Variants in C6 observed in about 807,000 individuals in gnomAD.
C6 encodes the protein complement C6, also known as complement component C6.
Under a neutral mutation model 112.9 loss-of-function variants are expected in C6, and 101 were observed. The ratio of observed to expected loss-of-function variants is 0.89; its 90% CI spans 0.76 to 1.06. The LOEUF (loss-of-function observed/expected upper bound fraction) is 1.06, where lower values mean the gene tolerates loss of function less well. Among genes scored for constraint, C6 ranks in the 50% least tolerant of loss-of-function variants. The probability of loss-of-function intolerance (pLI) is 0.00; values close to 1 mark genes in which losing one functional copy is unlikely to be tolerated. For synonymous variants in C6, 431 were observed against 384.1 expected (o/e 1.12, Z -1.43); for missense variants, 1,202 against 1,104.6 (o/e 1.09, Z -1.25).
intron 9 of C6, among the ~76,000 whole-genome samples, chr5:41,162,925 A>G (rs1747655908): frequency 2.0e-5 from 3 of 152,192 alleles, no homozygotes; most frequent in African/African-American, 7.2e-5. Context: ...GAGTTTGCCA[A>G]TATATCATGT....
At chr5:41,195,352 C>T (rs1750528444) in intron 5 of C6, among the ~76,000 whole-genome samples, 1 of 152,116 alleles carries the variant, frequency 6.6e-6, no homozygotes, top group Non-Finnish European at 1.5e-5. Flanking sequence ...TTTTGGCTTT[C>T]AACCCACCCA....
intron 3 of C6, among the ~76,000 whole-genome samples, chr5:41,200,493 A>T (rs1371975654): frequency 6.6e-6 from 1 of 152,192 alleles, no homozygotes. Context: ...ATTCTTGGGC[A>T]AATTACTTAA....
intron 1 of C6, among the ~76,000 whole-genome samples, chr5:41,232,137 T>G (rs887851015): frequency 1.3e-5 from 2 of 152,178 alleles, no homozygotes; most frequent in Non-Finnish European, 2.9e-5. Flanking sequence ...CTTTGTTATA[T>G]ATTGCTTTCT....
chr5:41,246,262 T>G (rs1741015177), intron 1 of C6, among the ~76,000 whole-genome samples: 1 of 152,156 alleles, frequency 6.6e-6, no homozygotes, highest in South Asian at 2.1e-4. Flanking sequence ...AGATCTCTGT[T>G]TCTAGGCCAT....
intron 12 of C6, 43 bp downstream of exon 12, chr5:41,159,039 G>T: frequency 6.2e-7 from 1 of 1,604,190 alleles, no homozygotes; most frequent in Non-Finnish European, 8.5e-7. Flanking sequence ...GTTATTGAGA[G>T]TTAGGGCAAA....
At chr5:41,149,613 T>C (rs1438310609) in intron 16 of C6, 131 bp from the exon 17 acceptor site, 1 of 1,126,116 alleles carries the variant, frequency 8.9e-7, no homozygotes, top group Admixed American at 1.8e-5. Flanking sequence ...CTCCAAGCCC[T>C]GGGCTTGAGT....
intron 1 of C6, among the ~76,000 whole-genome samples, chr5:41,247,730 A>C (rs1734577210): frequency 6.6e-6 from 1 of 151,874 alleles, no homozygotes; most frequent in African/African-American, 2.4e-5. Flanking sequence ...AAAAAAAAAA[A>C]AAAAAGCAAT....
intron 1 of C6, among the ~76,000 whole-genome samples, chr5:41,248,898 G>A (rs1741176258): frequency 6.6e-6 from 1 of 152,004 alleles, no homozygotes; most frequent in Non-Finnish European, 1.5e-5. Context: ...GTTCACAATA[G>A]CAAAGATATG....
chr5:41,230,737 G>A (rs1022609894), intron 1 of C6, among the ~76,000 whole-genome samples: 2 of 152,104 alleles, frequency 1.3e-5, no homozygotes, highest in Non-Finnish European at 1.5e-5. Flanking sequence ...AAAACGTGCT[G>A]GTTTTGCAGC....
chr5:41,159,483 A>C, intron 11 of C6: 2 of 985,112 alleles, frequency 2.0e-6, no homozygotes, highest in Non-Finnish European at 2.4e-6. Flanking sequence ...AACAAATGGC[A>C]ATCATTATGA....
At chr5:41,256,923 T>C (rs945384347) in intron 1 of C6, among the ~76,000 whole-genome samples, 1 of 152,188 alleles carries the variant, frequency 6.6e-6, no homozygotes, top group African/African-American at 2.4e-5. Flanking sequence ...GTGTGTTTTG[T>C]TTTCTGAATG....
At chr5:41,143,502 A>T (rs965387819) in intron 17 of C6, among the ~76,000 whole-genome samples, 1 of 152,136 alleles carries the variant, frequency 6.6e-6, no homozygotes, top group South Asian at 2.1e-4. Context: ...ATTCATCGTT[A>T]TCATTTGTAG....
At position 41,203,257 on chromosome 5, in the gene C6, T is replaced by C; in HGVS notation, c.-20-7A>G. On this transcript the variant is annotated splice_region_variant and splice_polypyrimidine_tract_variant and intron_variant, in intron 1 of 17. Coordinates refer to ENST00000337836, the MANE Select transcript of C6 (RefSeq NM_000065.5). The stretch of plus-strand genomic sequence containing the variant: ...CCTTGAGAGCCTCCAGGCCCTAAAA[T>C]GAAAGAATACATAACACATATCAAA... 2.5e-6 allele frequency: 4 copies of C among 1,613,822 alleles called. No homozygotes were observed. The highest frequency in any genetic ancestry group is 3.4e-6 in the Non-Finnish European group (4 of 1,179,774).
chr5:41,173,940 T>C (rs1022379378), intron 8 of C6, among the ~76,000 whole-genome samples: 1 of 152,222 alleles, frequency 6.6e-6, no homozygotes, highest in Non-Finnish European at 1.5e-5. Flanking sequence ...ATTGTTTTTA[T>C]AAGTGGGTTA....
chr5:41,194,205 G>T (rs1243776296), intron 5 of C6, among the ~76,000 whole-genome samples: 1 of 152,148 alleles, frequency 6.6e-6, no homozygotes, highest in Non-Finnish European at 1.5e-5. Flanking sequence ...AACCATTTCT[G>T]CACATGGATA....
chr5:41,256,951 T>A (rs897187093), intron 1 of C6, among the ~76,000 whole-genome samples: 1 of 152,182 alleles, frequency 6.6e-6, no homozygotes, highest in African/African-American at 2.4e-5. Context: ...CTTTCTGCAG[T>A]TTGGATGAGG....
In C6 at chr5:41,172,356, T is replaced by C. The variant is rs1253848625; in HGVS notation, c.1169-9A>G. 4 of 1,613,170 alleles carry C rather than the reference T, an allele frequency of 2.5e-6. No individual in the cohort carries two copies. The highest frequency in any genetic ancestry group is 3.4e-6 in the Non-Finnish European group (4 of 1,179,520). On this transcript the variant is annotated splice_polypyrimidine_tract_variant and intron_variant, in intron 8 of 17. Transcript: ENST00000337836. ...TTCTTCCTCGGTTAAACCTAGGAGA[T>C]GAAGTACAAACAGAAACCACTGAGA... is the stretch of plus-strand genomic sequence containing the variant.
intron 11 of C6, 39 bp downstream of exon 11, chr5:41,160,103 G>A (rs761156646): frequency 7.2e-6 from 11 of 1,525,008 alleles, no homozygotes; most frequent in Admixed American, 3.3e-5. Context: ...CTTTGGAGGG[G>A]AAAACTTATC....
intron 1 of C6, among the ~76,000 whole-genome samples, chr5:41,248,883 G>A (rs1244666489): frequency 1.3e-5 from 2 of 152,092 alleles, no homozygotes; most frequent in African/African-American, 4.8e-5. Context: ...GTTTGTTGCA[G>A]TGCTGTTCAC....
Sources: allele counts gnomAD v4.1 joint callset (sites outside exome capture counted in the v4.1 genomes callset), GRCh38; gene constraint gnomAD v4.1.1; transcripts MANE v1.5; gene names NCBI Gene and HGNC (gene_info 2026-07-23, HGNC 2026-07-21).